The following KRTAP9-1 variants were observed in gnomAD, a reference collection of about 807,000 sequenced individuals.
KRTAP9-1 encodes keratin associated protein 9-1.
In KRTAP9-1, 13 loss-of-function variants were observed where a neutral mutation model predicts 18.4. The observed-to-expected ratio is 0.71, with a 90% confidence interval of 0.46 to 1.12. KRTAP9-1 has a LOEUF of 1.12. KRTAP9-1 is among the 50% of genes most tolerant of loss of function. The pLI is 0.00. For synonymous variants in KRTAP9-1, 122 were observed against 108.8 expected (o/e 1.12, Z -0.75); for missense variants, 310 against 310.6 (o/e 1.00, Z 0.01).
intron 2 of KRTAP9-1, chr17:41,190,403 A>T (rs768119081): frequency 4.6e-6 from 4 of 869,208 alleles, no homozygotes; most frequent in Non-Finnish European, 5.9e-6. Flanking sequence ...AACCATTTGT[A>T]GATCCACCTG....
Position 41,190,162 on chromosome 17 carries a change from G to T in KRTAP9-1, c.276G>T (p.Gly92=). 6.4e-7 allele frequency: 1 copy of T among 1,556,368 alleles called. No individual in the cohort carries two copies. The highest frequency in any genetic ancestry group is 8.7e-7 in the Non-Finnish European group (1 of 1,150,950). ...STPCCQPTCC[G]SSCCGQTSCG... ...CCTGCTGCCAGCCCACCTGCTGTGG[G>T]TCCAGCTGCTGTGGCCAAACCAGCT... is the stretch of plus-strand genomic sequence containing the variant. Residue 92 remains glycine, a synonymous_variant, in exon 1 of 1, where the codon GGG becomes GGT. Transcript: ENST00000398470.
At chr17:41,190,203 GT>G in intron 2 of KRTAP9-1, 1 of 1,524,516 alleles carries the variant, frequency 6.6e-7, no homozygotes, top group African/African-American at 1.4e-5. Context: ...TCCAGCTGCT[GT>G]CAGCCTATTT....
chr17:41,190,160 G>T lies in KRTAP9-1; in HGVS notation c.274G>T (p.Gly92Trp). 5.8e-6 allele frequency: 9 copies of T among 1,551,978 alleles called. No individual in the cohort carries two copies. The highest frequency in any genetic ancestry group is 7.8e-6 in the Non-Finnish European group (9 of 1,148,878). ...ACCCTGCTGCCAGCCCACCTGCTGT[G>T]GGTCCAGCTGCTGTGGCCAAACCAG... ...STPCCQPTCC[G>W]SSCCGQTSCG... Residue 92 changes from glycine to tryptophan, a missense_variant, in exon 1 of 1, where the codon GGG becomes TGG. By Grantham distance (184) the Gly-to-Trp change is radical. This residue lies in a region of KRTAP9-1 where 178 missense variants were observed against 190.2 expected (regional missense o/e 0.94). Coordinates refer to ENST00000398470, the MANE Select transcript of KRTAP9-1 (RefSeq NM_001190460.1).
Position 41,190,455 on chromosome 17 carries a change from G to T in KRTAP9-1, c.569G>T (p.Cys190Phe). 1 of 1,603,860 alleles carries T rather than the reference G, an allele frequency of 6.2e-7. No homozygotes were observed. Among genetic ancestry groups the T allele is most frequent in the African/African-American group, 1.3e-5 (1 of 74,612 alleles). The change falls in exon 1 of 1, where the codon TGT becomes TTT. Residue 190 changes from cysteine (C) to phenylalanine (F), a missense_variant. Physicochemically the swap from Cys to Phe is radical, Grantham distance 205. This residue lies in a region of KRTAP9-1 where 130 missense variants were observed against 103.4 expected (regional missense o/e 1.26). Transcript: ENST00000398470. ...SCVTRCCSTP[C>F]CQPTCGGSSC... ...GTGACCAGATGCTGCAGCACACCCT[G>T]TTGCCAGCCAACCTGTGGTGGGTCC... is the stretch of plus-strand genomic sequence containing the variant.
At position 41,189,948 on chromosome 17, in the gene KRTAP9-1, C is replaced by T; in HGVS notation, c.62C>T (p.Thr21Ile). Reference sequence around the variant, plus strand: ...TGCTGCAGGACCACCTGCTGCAGGACAACCTGCTGGAAGCCCACCACTGTG... The same window carrying T: ...TGCTGCAGGACCACCTGCTGCAGGATAACCTGCTGGAAGCCCACCACTGTG... ...PTCCRTTCCR[T>I]TCWKPTTVTT... Residue 21 changes from threonine (T) to isoleucine (I), a missense_variant, in exon 1 of 1, where the codon ACA (threonine) becomes ATA (isoleucine). Thr to Ile is a moderately conservative substitution (Grantham distance 89, BLOSUM62 -1). Transcript: ENST00000398470. The T allele has an allele frequency of 5.0e-6, 8 of 1,612,774 alleles. No individual in the cohort carries two copies. Among genetic ancestry groups the T allele is most frequent in the Non-Finnish European group, 5.9e-6 (7 of 1,179,964 alleles).
chr17:41,189,970 T>C lies in KRTAP9-1; in HGVS notation c.84T>C (p.Thr28=). ...CCRTTCWKPT[T]VTTCSSTPCC... is the part of the protein sequence containing the mutation. ...GGACAACCTGCTGGAAGCCCACCAC[T>C]GTGACCACCTGCAGCAGCACACCCT... The change falls in exon 1 of 1, where the codon ACT becomes ACC. Residue 28 remains threonine (T), a synonymous_variant. Coordinates refer to ENST00000398470, the MANE Select transcript of KRTAP9-1 (RefSeq NM_001190460.1). The C allele has an allele frequency of 6.2e-7, 1 of 1,613,050 alleles. No individual in the cohort carries two copies. The highest frequency in any genetic ancestry group is 8.5e-7 in the Non-Finnish European group (1 of 1,179,946).
rs1200599849 is a variant in KRTAP9-1 at position 41,190,594 on chromosome 17, C to T, written c.708C>T (p.Cys236=). The T allele has an allele frequency of 1.2e-6, 2 of 1,606,476 alleles. No homozygotes were observed. The highest frequency in any genetic ancestry group is 1.7e-4 in the Middle Eastern group (1 of 6,054). Residue 236 remains cysteine (C), a synonymous_variant, in exon 1 of 1, where the codon TGC becomes TGT. Transcript: ENST00000398470. ...RTTCCRPSCC[C]SPCCVSSCCQ... is the part of the protein sequence containing the mutation. ...CCTGTTGCCGCCCCAGCTGTTGCTG[C>T]AGTCCTTGCTGTGTCTCCAGCTGCT... is the stretch of plus-strand genomic sequence containing the variant.
Position 41,190,407 on chromosome 17 carries a change from C to G in KRTAP9-1, c.521C>G (p.Ser174Cys). Residue 174 changes from serine to cysteine, a missense_variant, in exon 1 of 1, where the codon TCC (serine) becomes TGC (cysteine). Physicochemically the swap from Ser to Cys is moderately radical, Grantham distance 112. Coordinates refer to ENST00000398470, the MANE Select transcript of KRTAP9-1 (RefSeq NM_001190460.1). ...HPTCCQTICR[S>C]TCCQPSCVTR... ...ACATGCTGTCAAACCATTTGTAGAT[C>G]CACCTGCTGCCAACCATCCTGTGTG... is the stretch of plus-strand genomic sequence containing the variant. 2.5e-6 allele frequency: 4 copies of G among 1,583,894 alleles called. No homozygotes were observed. The highest frequency in any genetic ancestry group is 3.4e-6 in the Non-Finnish European group (4 of 1,161,818).
chr17:41,190,596 G>T lies in KRTAP9-1; in HGVS notation c.710G>T (p.Ser237Ile). The change falls in exon 1 of 1, where the codon AGT becomes ATT. Residue 237 changes from serine to isoleucine, a missense_variant. Around this residue, in one of 3 missense-constraint regions of KRTAP9-1, gnomAD observed 130 missense variants for 103.4 expected, o/e 1.26. Coordinates refer to ENST00000398470, the MANE Select transcript of KRTAP9-1 (RefSeq NM_001190460.1). ...TGTTGCCGCCCCAGCTGTTGCTGCA[G>T]TCCTTGCTGTGTCTCCAGCTGCTGC... ...TTCCRPSCCC[S>I]PCCVSSCCQP... The T allele has an allele frequency of 6.2e-7, 1 of 1,601,514 alleles. No homozygotes were observed. Among genetic ancestry groups the T allele is most frequent in the Non-Finnish European group, 8.5e-7 (1 of 1,174,330 alleles).
rs1229380039 is a variant in KRTAP9-1, at chr17:41,190,511, A to G, written c.625A>G (p.Ser209Gly). Residue 209 changes from serine to glycine, a missense_variant, in exon 1 of 1, where the codon AGC becomes GGC. Coordinates refer to ENST00000398470, the MANE Select transcript of KRTAP9-1 (RefSeq NM_001190460.1). ...CTGTAGCCAAACCTGCAATGAGTCC[A>G]GCTATTGTCTGCCTTGCTGCCGTCC... ...SCCSQTCNES[S>G]YCLPCCRPTC... The G allele has an allele frequency of 6.2e-7, 1 of 1,606,302 alleles. No homozygotes were observed.
rs771364495 is a variant in KRTAP9-1 at position 41,190,466 on chromosome 17, A to T, written c.580A>T (p.Thr194Ser). ...CTGCAGCACACCCTGTTGCCAGCCA[A>T]CCTGTGGTGGGTCCAGCTGCTGTAG... Reference protein sequence around the residue: ...RCCSTPCCQPTCGGSSCCSQT... With the variant: ...RCCSTPCCQPSCGGSSCCSQT... The change falls in exon 1 of 1, where the codon ACC becomes TCC. Residue 194 changes from threonine to serine, a missense_variant. This residue lies in a region of KRTAP9-1 where 130 missense variants were observed against 103.4 expected (regional missense o/e 1.26). Transcript: ENST00000398470. 3 of 1,599,144 alleles carry T rather than the reference A, an allele frequency of 1.9e-6. No homozygotes were observed. The highest frequency in any genetic ancestry group is 2.6e-6 in the Non-Finnish European group (3 of 1,173,584).
chr17:41,190,317 G>T lies in KRTAP9-1; in HGVS notation c.431G>T (p.Cys144Phe), dbSNP rs1427448692. Residue 144 changes from cysteine (C) to phenylalanine (F), a missense_variant, in exon 1 of 1, where the codon TGC becomes TTC. Transcript: ENST00000398470. Reference protein sequence around the residue: ...CQPTCCQPTCCRNTSCQPTCC... With the variant: ...CQPTCCQPTCFRNTSCQPTCC... Reference sequence around the variant, plus strand: ...CCTACCTGCTGCCAGCCCACCTGCTGCAGGAACACCTCTTGCCAGCCCACC... The same window carrying T: ...CCTACCTGCTGCCAGCCCACCTGCTTCAGGAACACCTCTTGCCAGCCCACC... The T allele has an allele frequency of 7.1e-7, 1 of 1,413,112 alleles. No individual in the cohort carries two copies. The highest frequency in any genetic ancestry group is 9.5e-7 in the Non-Finnish European group (1 of 1,050,320). The allele number at this position is 1,413,112 out of a possible 1,614,324, so 87.5% of individuals were successfully genotyped here. A position where few individuals can be genotyped will look rare whatever the true frequency, so the allele number is the denominator to read the frequency against.
rs1014599096 is a variant in KRTAP9-1, at chr17:41,190,621, C to T, written c.735C>T (p.Cys245=). The T allele has an allele frequency of 2.5e-6, 4 of 1,596,054 alleles. No homozygotes were observed. The highest frequency in any genetic ancestry group is 3.4e-6 in the Non-Finnish European group (4 of 1,171,136). ...CCSPCCVSSC[C]QPSCC is the part of the protein sequence containing the mutation. ...GTCCTTGCTGTGTCTCCAGCTGCTG[C>T]CAGCCTTCCTGCTGCTAATCCACTT... The change falls in exon 1 of 1, where the codon TGC becomes TGT. Residue 245 remains cysteine, a synonymous_variant. Transcript: ENST00000398470.
chr17:41,190,192 G>A lies in KRTAP9-1; in HGVS notation c.306G>A (p.Gly102=). ...GSSCCGQTSC[G]SSCCQPICGS... The stretch of plus-strand genomic sequence containing the variant: ...GCTGCTGTGGCCAAACCAGCTGTGG[G>A]TCCAGCTGCTGTCAGCCTATTTGTG... The change falls in exon 1 of 1, where the codon GGG becomes GGA. Residue 102 remains glycine (G), a synonymous_variant. Coordinates refer to ENST00000398470, the MANE Select transcript of KRTAP9-1 (RefSeq NM_001190460.1). 2 of 1,525,806 alleles carry A rather than the reference G, an allele frequency of 1.3e-6. No individual in the cohort carries two copies. The highest frequency in any genetic ancestry group is 1.8e-6 in the Non-Finnish European group (2 of 1,134,884). The allele number at this position is 1,525,806 out of a possible 1,614,324, so 94.5% of individuals were successfully genotyped here.
In KRTAP9-1 at chr17:41,190,247, C is replaced by T; in HGVS notation, c.361C>T (p.Pro121Ser). The change falls in exon 1 of 1, where the codon CCG (proline) becomes TCG (serine). Residue 121 changes from proline to serine, a missense_variant. Physicochemically the swap from Pro to Ser is moderately conservative, Grantham distance 74. Around this residue, in one of 3 missense-constraint regions of KRTAP9-1, gnomAD observed 178 missense variants for 190.2 expected, o/e 0.94. Transcript: ENST00000398470. The part of the protein sequence containing the change: ...GSSCCQPCCH[P>S]TCYQTICFRT... Reference sequence around the variant, plus strand: ...CAGTTGCTGTCAGCCTTGCTGTCACCCGACTTGCTATCAAACTATCTGCTT... The same window carrying T: ...CAGTTGCTGTCAGCCTTGCTGTCACTCGACTTGCTATCAAACTATCTGCTT... The T allele has an allele frequency of 8.1e-7, 1 of 1,235,682 alleles. No homozygotes were observed. Among genetic ancestry groups the T allele is most frequent in the Non-Finnish European group, 1.0e-6 (1 of 962,678 alleles). The allele number at this position is 1,235,682 out of a possible 1,614,324, so 76.5% of individuals were successfully genotyped here. A position where few individuals can be genotyped will look rare whatever the true frequency, so the allele number is the denominator to read the frequency against.
Position 41,190,315 on chromosome 17 carries a change from C to G in KRTAP9-1, c.429C>G (p.Cys143Trp), listed in dbSNP as rs778836671. The G allele has an allele frequency of 7.1e-7, 1 of 1,415,528 alleles. No individual in the cohort carries two copies. Among genetic ancestry groups the G allele is most frequent in the Non-Finnish European group, 9.5e-7 (1 of 1,051,724 alleles). The allele number at this position is 1,415,528 out of a possible 1,614,324, so 87.7% of individuals were successfully genotyped here. A position where few individuals can be genotyped will look rare whatever the true frequency, so the allele number is the denominator to read the frequency against. The change falls in exon 1 of 1, where the codon TGC becomes TGG. Residue 143 changes from cysteine (C) to tryptophan (W), a missense_variant. Cys to Trp is a radical substitution (Grantham distance 215). This residue lies in a region of KRTAP9-1 where 178 missense variants were observed against 190.2 expected (regional missense o/e 0.94). Transcript: ENST00000398470. ...CCQPTCCQPTCCRNTSCQPTC... is the reference protein window; with the variant it reads ...CCQPTCCQPTWCRNTSCQPTC... ...AGCCTACCTGCTGCCAGCCCACCTG[C>G]TGCAGGAACACCTCTTGCCAGCCCA...
At position 41,190,623 on chromosome 17, in the gene KRTAP9-1, A is replaced by G; in HGVS notation, c.737A>G (p.Gln246Arg). The G allele has an allele frequency of 6.3e-7, 1 of 1,595,076 alleles. No homozygotes were observed. Among genetic ancestry groups the G allele is most frequent in the Non-Finnish European group, 8.5e-7 (1 of 1,170,588 alleles). Residue 246 changes from glutamine (Q) to arginine (R), a missense_variant, in exon 1 of 1, where the codon CAG becomes CGG. This residue lies in a region of KRTAP9-1 where 130 missense variants were observed against 103.4 expected (regional missense o/e 1.26). Transcript: ENST00000398470. ...CCTTGCTGTGTCTCCAGCTGCTGCC[A>G]GCCTTCCTGCTGCTAATCCACTTGC... is the stretch of plus-strand genomic sequence containing the variant. ...CSPCCVSSCC[Q>R]PSCC
In KRTAP9-1 at chr17:41,189,954, G is replaced by A. The variant is rs539410218; in HGVS notation, c.68G>A (p.Cys23Tyr). 2.4e-5 allele frequency: 39 copies of A among 1,612,848 alleles called. No homozygotes were observed. In the South Asian group the frequency reaches 4.0e-4, roughly 16 times the overall value. Residue 23 changes from cysteine (C) to tyrosine (Y), a missense_variant, in exon 1 of 1, where the codon TGC (cysteine) becomes TAC (tyrosine). By Grantham distance (194) the Cys-to-Tyr change is radical. Coordinates refer to ENST00000398470, the MANE Select transcript of KRTAP9-1 (RefSeq NM_001190460.1). ...AGGACCACCTGCTGCAGGACAACCT[G>A]CTGGAAGCCCACCACTGTGACCACC... is the stretch of plus-strand genomic sequence containing the variant. Reference protein sequence around the residue: ...CCRTTCCRTTCWKPTTVTTCS... With the variant: ...CCRTTCCRTTYWKPTTVTTCS...
Position 41,190,106 on chromosome 17 carries a change from A to C in KRTAP9-1, c.220A>C (p.Ser74Arg). 1 of 1,600,204 alleles carries C rather than the reference A, an allele frequency of 6.2e-7. No homozygotes were observed. Among genetic ancestry groups the C allele is most frequent in the Non-Finnish European group, 8.5e-7 (1 of 1,173,986 alleles). The change falls in exon 1 of 1, where the codon AGC becomes CGC. Residue 74 changes from serine to arginine, a missense_variant. Physicochemically the swap from Ser to Arg is moderately radical, Grantham distance 110. This residue lies in a region of KRTAP9-1 where 178 missense variants were observed against 190.2 expected (regional missense o/e 0.94). Coordinates refer to ENST00000398470, the MANE Select transcript of KRTAP9-1 (RefSeq NM_001190460.1). ...TTCCQPTCVASCCQPSCCSTP... is the reference protein window; with the variant it reads ...TTCCQPTCVARCCQPSCCSTP... ...CTGCTGCCAGCCCACTTGTGTGGCC[A>C]GCTGCTGCCAGCCTTCCTGCTGCAG... is the stretch of plus-strand genomic sequence containing the variant.
Sources: gnomAD v4.1 joint callset for allele counts on GRCh38, gnomAD v4.1.1 for gene constraint, gnomAD v4.1.1 regional missense constraint, MANE v1.5 for transcripts, NCBI Gene and HGNC (gene_info 2026-07-23, HGNC 2026-07-21) for gene names.